WDR27: variants seen among roughly 807,000 people sequenced by gnomAD.
WDR27 encodes WD repeat domain 27, also known as WD repeat-containing protein 27.
WDR27 carries 100 observed loss-of-function variants against 114.4 expected under a neutral mutation model. That is an observed-to-expected ratio of 0.87 (90% confidence interval 0.74 to 1.03). The LOEUF is 1.03. Among genes scored for constraint, WDR27 ranks in the 50% least tolerant of loss-of-function variants. WDR27 has a pLI of 0.00. For missense variants in WDR27, 1,129 were observed against 1,092.9 expected (o/e 1.03, Z -0.47); for synonymous variants, 449 against 423.1 (o/e 1.06, Z -0.75).
chr6:169,654,453 T>G (rs73790083), intron 13 of WDR27, among the ~76,000 whole-genome samples: 19,588 of 152,172 alleles, frequency 0.13, 1,383 homozygotes, highest in African/African-American at 0.16. Flanking sequence ...GTAAAGCGTA[T>G]CTGATTAAAC....
At chr6:169,543,468 T>C (rs1438218108) in intron 25 of WDR27, among the ~76,000 whole-genome samples, 1 of 152,112 alleles carries the variant, frequency 6.6e-6, no homozygotes, top group Non-Finnish European at 1.5e-5. Context: ...ATTTAGCAAA[T>C]TAGAAATTGA....
intron 1 of WDR27, among the ~76,000 whole-genome samples, chr6:169,696,423 C>T (rs1785996894): frequency 6.6e-6 from 1 of 152,218 alleles, no homozygotes; most frequent in African/African-American, 2.4e-5. Context: ...TGTATACACA[C>T]ATGCACACAA....
intron 25 of WDR27, among the ~76,000 whole-genome samples, chr6:169,503,772 T>C (rs1170889149): frequency 1.3e-5 from 2 of 151,960 alleles, no homozygotes; most frequent in African/African-American, 2.4e-5. Flanking sequence ...TAGTCATTAA[T>C]ACATCCTTTT....
At chr6:169,519,753 T>C (rs1048142100) in intron 25 of WDR27, among the ~76,000 whole-genome samples, 10 of 152,068 alleles carry the variant, frequency 6.6e-5, no homozygotes, top group Non-Finnish European at 1.5e-4. Context: ...ACACCAATAT[T>C]ATCCCCATCA....
chr6:169,532,771 CT>C (rs992249353), intron 25 of WDR27, among the ~76,000 whole-genome samples: 3 of 151,478 alleles, frequency 2.0e-5, no homozygotes, highest in African/African-American at 7.3e-5. Flanking sequence ...CAATTGCAAC[CT>C]CTGGCTTCTG....
At chr6:169,456,406 G>C (rs1784347057), downstream of WDR27, among the ~76,000 whole-genome samples, 2 of 152,132 alleles carry the variant, frequency 1.3e-5, no homozygotes, top group African/African-American at 4.8e-5. The surrounding 1 kb of genome is among the most constrained non-coding windows in gnomAD (Gnocchi z 4.0). Flanking sequence ...AAAGCCCCCA[G>C]CTCCCTGGTT....
intron 2 of WDR27, among the ~76,000 whole-genome samples, chr6:169,675,019 CA>C (rs1779733683): frequency 6.6e-6 from 1 of 152,126 alleles, no homozygotes; most frequent in Non-Finnish European, 1.5e-5. Flanking sequence ...GGGAACAGGC[CA>C]TTTTCACTTC....
At chr6:169,498,920 A>T (rs1790740237) in intron 25 of WDR27, among the ~76,000 whole-genome samples, 1 of 152,252 alleles carries the variant, frequency 6.6e-6, no homozygotes, top group African/African-American at 2.4e-5. Context: ...ATCTAGACAC[A>T]TGTAATAATA....
In WDR27 at chr6:169,537,952, A is replaced by C. The variant is rs1485871906; in HGVS notation, c.2645+34467T>G. Among the ~76,000 whole-genome samples, 4 of 151,974 alleles carry C rather than the reference A, an allele frequency of 2.6e-5. No homozygotes were observed. The South Asian group carries it at 8.3e-4, about 32-fold the overall frequency. On this transcript the variant is annotated intron_variant, in intron 25 of 25. Coordinates refer to ENST00000448612, the MANE Select transcript of WDR27 (RefSeq NM_182552.5). ...GGCCAAGAGTCCCTGATTTTTGTAG[A>C]TATCACTATATATTGAAGCATTTAC...
chr6:169,652,414 A>T (rs1322983857), intron 13 of WDR27, among the ~76,000 whole-genome samples: 2 of 152,128 alleles, frequency 1.3e-5, no homozygotes, highest in Non-Finnish European at 2.9e-5. Context: ...ACGCCTGGCT[A>T]ATTTTTGTAT....
the WDR27 span, among the ~76,000 whole-genome samples, chr6:169,436,184 T>A: frequency 1.3e-5 from 2 of 152,288 alleles, no homozygotes; most frequent in African/African-American, 4.8e-5. Flanking sequence ...AACCCAAATA[T>A]CTCTTAGTTC....
rs9478086 is a variant in WDR27 at position 169,651,953 on chromosome 6, T to C, written c.1458A>G (p.Ser486=). The part of the protein sequence containing the change: ...QRLVFHSKVR[S]SGYASAPHVT... ...ACTGTGGTGCTGACGCATAACCAGA[T>C]GACCTAACTTTACTATGGAAAACCA... The change falls in exon 14 of 26, where the codon TCA becomes TCG. Residue 486 remains serine, a synonymous_variant. Coordinates refer to ENST00000448612, the MANE Select transcript of WDR27 (RefSeq NM_182552.5). 214,442 of 1,613,366 alleles carry C rather than the reference T, an allele frequency of 0.13. 16,134 individuals are homozygous for C. Among genetic ancestry groups the C allele is most frequent in the African/African-American group, 0.31 (23,306 of 74,968 alleles).
chr6:169,484,880 T>C (rs1441858209), intron 25 of WDR27, among the ~76,000 whole-genome samples: 2 of 152,120 alleles, frequency 1.3e-5, no homozygotes, highest in Non-Finnish European at 2.9e-5. Flanking sequence ...CCTATGACCA[T>C]CTGATCTTTG....
At chr6:169,606,013 A>G (rs2128175740) in intron 22 of WDR27, among the ~76,000 whole-genome samples, 1 of 152,332 alleles carries the variant, frequency 6.6e-6, no homozygotes, top group Middle Eastern at 3.4e-3. Context: ...ACTAGAAGAA[A>G]TTCTAGAAAA....
chr6:169,561,878 C>A (rs180942267), intron 25 of WDR27, among the ~76,000 whole-genome samples: 2 of 152,104 alleles, frequency 1.3e-5, no homozygotes, highest in Non-Finnish European at 2.9e-5. Flanking sequence ...AAAAGATATA[C>A]CATCCTAACA....
At chr6:169,498,385 A>T (rs992059031) in intron 25 of WDR27, among the ~76,000 whole-genome samples, 1 of 152,216 alleles carries the variant, frequency 6.6e-6, no homozygotes, top group East Asian at 1.9e-4. Flanking sequence ...CACTAACATG[A>T]TGAATGCACT....
intron 1 of WDR27, among the ~76,000 whole-genome samples, chr6:169,693,303 T>C (rs1399628268): frequency 1.3e-5 from 2 of 152,206 alleles, no homozygotes; most frequent in Non-Finnish European, 2.9e-5. Context: ...AATTTGCCAC[T>C]ACCAAGCTAG....
intron 25 of WDR27, among the ~76,000 whole-genome samples, chr6:169,483,395 G>A (rs1267645533): frequency 6.6e-6 from 1 of 152,146 alleles, no homozygotes; most frequent in Non-Finnish European, 1.5e-5. Flanking sequence ...ATACCTCTAT[G>A]CATACGAACT....
chr6:169,564,382 T>C (rs1800125524), intron 25 of WDR27, among the ~76,000 whole-genome samples: 1 of 152,200 alleles, frequency 6.6e-6, no homozygotes, highest in Admixed American at 6.5e-5. Flanking sequence ...TAATCTCCTC[T>C]GGCAACACCC....
Sources: gnomAD v4.1 joint callset for allele counts (sites outside exome capture counted in the v4.1 genomes callset) on GRCh38, gnomAD v4.1.1 for gene constraint, Gnocchi (gnomAD v3.1) non-coding constraint, MANE v1.5 for transcripts, NCBI Gene and HGNC (gene_info 2026-07-23, HGNC 2026-07-21) for gene names.